The following CERS3 variants were observed in gnomAD, a reference collection of about 807,000 sequenced individuals.
CERS3 encodes LAG1 homolog, ceramide synthase 3.
In CERS3, 33 loss-of-function variants were observed where a neutral mutation model predicts 50.3. The ratio of observed to expected loss-of-function variants is 0.66; its 90% CI spans 0.50 to 0.88. The LOEUF (loss-of-function observed/expected upper bound fraction) is 0.88, where lower values mean the gene tolerates loss of function less well. Among genes scored for constraint, CERS3 ranks in the 40% least tolerant of loss-of-function variants. The probability of loss-of-function intolerance (pLI) is 0.00; values close to 1 mark genes in which losing one functional copy is unlikely to be tolerated. For missense variants in CERS3, 470 were observed against 460.3 expected, an observed-to-expected ratio of 1.02 and a Z score of -0.19; for synonymous variants, 176 against 155.2, an observed-to-expected ratio of 1.13 and a Z score of -0.99.
chr15:100,404,673 T>G (rs1187965725), intron 11 of CERS3, among the ~76,000 whole-genome samples: 1 of 152,180 alleles, frequency 6.6e-6, no homozygotes, highest in African/African-American at 2.4e-5. Flanking sequence ...CTAAAGCAAT[T>G]CTGAAAAACA....
At chr15:100,494,560 T>C (rs1428853607) in intron 3 of CERS3, among the ~76,000 whole-genome samples, 1 of 152,134 alleles carries the variant, frequency 6.6e-6, no homozygotes, top group Non-Finnish European at 1.5e-5. Context: ...AATTAATCTG[T>C]AAAGTCTTCT....
At chr15:100,447,491 G>A (rs2033987288) in intron 11 of CERS3, among the ~76,000 whole-genome samples, 1 of 152,152 alleles carries the variant, frequency 6.6e-6, no homozygotes, top group African/African-American at 2.4e-5. Context: ...ATGTTCTCAG[G>A]ATCTCCTGCG....
intron 2 of CERS3, among the ~76,000 whole-genome samples, chr15:100,518,046 C>T (rs1270104176): frequency 6.6e-6 from 1 of 152,176 alleles, no homozygotes; most frequent in East Asian, 1.9e-4. Flanking sequence ...GGCAGCTGCT[C>T]CCTCTGTCAG....
intron 11 of CERS3, among the ~76,000 whole-genome samples, chr15:100,450,116 A>C (rs1262155481): frequency 6.6e-6 from 1 of 152,174 alleles, no homozygotes; most frequent in African/African-American, 2.4e-5. Flanking sequence ...ATACTTTCAA[A>C]TGCTTTAAAA....
At chr15:100,442,343 G>A (rs964528450) in intron 11 of CERS3, among the ~76,000 whole-genome samples, 15 of 151,908 alleles carry the variant, frequency 9.9e-5, no homozygotes, top group South Asian at 2.1e-4. Flanking sequence ...ATTAAATTCC[G>A]GCCCTTTAAC....
intron 1 of CERS3, among the ~76,000 whole-genome samples, chr15:100,537,883 C>T (rs746939693): frequency 6.6e-6 from 1 of 152,138 alleles, no homozygotes; most frequent in Non-Finnish European, 1.5e-5. Flanking sequence ...TCATCTGAGA[C>T]AAGGCAAGTC....
At chr15:100,511,176 C>G (rs2036327619) in intron 2 of CERS3, among the ~76,000 whole-genome samples, 1 of 152,116 alleles carries the variant, frequency 6.6e-6, no homozygotes. Flanking sequence ...GTAATCCCAG[C>G]TACTTGGGAG....
At chr15:100,504,944 T>A (rs967249487) in intron 2 of CERS3, among the ~76,000 whole-genome samples, 5 of 152,228 alleles carry the variant, frequency 3.3e-5, no homozygotes, top group African/African-American at 1.2e-4. Context: ...CACAAGCCTT[T>A]GAGTCAAACT....
Position 100,467,780 on chromosome 15 carries a change from T to TAC in CERS3, c.845+1596_845+1597dup, listed in dbSNP as rs56374001. On this transcript the variant is annotated intron_variant, in intron 10 of 11. Transcript: ENST00000679737. ...CTCTCTCTCTCTCTCTATATATATA[T>TAC]ACACACATATATATGTATATATATA... is the stretch of plus-strand genomic sequence containing the variant. 1.3e-3 allele frequency among the ~76,000 whole-genome samples: 175 copies of TAC among 131,048 alleles called. 7 individuals carry two copies. The East Asian group carries it at 0.029, about 22-fold the overall frequency. 86.0% of individuals were successfully genotyped at this position (131,048 alleles called of 152,430 possible).
At chr15:100,526,288 G>A (rs768432368) in intron 1 of CERS3, among the ~76,000 whole-genome samples, 6 of 152,202 alleles carry the variant, frequency 3.9e-5, no homozygotes, top group Middle Eastern at 3.2e-3. Context: ...GGAGGGCTTG[G>A]AAAGTCCAAG....
chr15:100,430,180 G>T (rs149205249), intron 11 of CERS3, among the ~76,000 whole-genome samples: 1 of 151,810 alleles, frequency 6.6e-6, no homozygotes, highest in African/African-American at 2.4e-5. Context: ...GTTGTGGTGG[G>T]GGGCGCCTGT....
chr15:100,418,546 G>T (rs2032148422), intron 11 of CERS3, among the ~76,000 whole-genome samples: 1 of 146,064 alleles, frequency 6.8e-6, no homozygotes, highest in South Asian at 2.2e-4. Flanking sequence ...ATCTAGCAAG[G>T]CAGGCCAACG....
At chr15:100,418,967 C>T (rs1001390989) in intron 11 of CERS3, among the ~76,000 whole-genome samples, 2 of 125,364 alleles carry the variant, frequency 1.6e-5, no homozygotes, top group African/African-American at 5.3e-5. Context: ...GTACCAGCCA[C>T]TGCAAAATCG....
At chr15:100,533,684 A>G (rs558193256), upstream of CERS3, among the ~76,000 whole-genome samples, 8 of 150,326 alleles carry the variant, frequency 5.3e-5, no homozygotes, top group African/African-American at 2.0e-4. Context: ...CAGCCCCCCA[A>G]GTAGCTGGGA....
chr15:100,434,902 C>T (rs1402970647), intron 11 of CERS3, among the ~76,000 whole-genome samples: 1 of 151,096 alleles, frequency 6.6e-6, no homozygotes, highest in Admixed American at 6.6e-5. Flanking sequence ...TGGGAAACGA[C>T]GTTTAAAAAT....
At chr15:100,438,286 C>A (rs1341260266) in intron 11 of CERS3, among the ~76,000 whole-genome samples, 1 of 151,766 alleles carries the variant, frequency 6.6e-6, no homozygotes, top group Admixed American at 6.6e-5. Context: ...CTCAGGTGAT[C>A]CTCCCACCTC....
chr15:100,529,649 T>C (rs1360636420), upstream of CERS3, among the ~76,000 whole-genome samples: 1 of 152,196 alleles, frequency 6.6e-6, no homozygotes, highest in East Asian at 1.9e-4. Context: ...TTTATAGTGT[T>C]TATTTGAGAT....
chr15:100,498,848 G>A (rs756360253), intron 3 of CERS3, among the ~76,000 whole-genome samples: 6 of 152,228 alleles, frequency 3.9e-5, no homozygotes, highest in Non-Finnish European at 7.3e-5. Context: ...AGGATTCAGA[G>A]GCTCTGTGAG....
chr15:100,413,943 T>C (rs2031695933), intron 11 of CERS3, among the ~76,000 whole-genome samples: 2 of 152,036 alleles, frequency 1.3e-5, no homozygotes, highest in Non-Finnish European at 2.9e-5. Flanking sequence ...GAAATAGTAA[T>C]AGTAATAAAA....
Sources: allele counts gnomAD v4.1 joint callset (sites outside exome capture counted in the v4.1 genomes callset), GRCh38; gene constraint gnomAD v4.1.1; transcripts MANE v1.5; gene names NCBI Gene and HGNC (gene_info 2026-07-23, HGNC 2026-07-21).